The following SLC25A15 variants were observed in gnomAD, a reference collection of about 807,000 sequenced individuals.
SLC25A15 encodes mitochondrial ornithine transporter 1.
Under a neutral mutation model 32.3 loss-of-function variants are expected in SLC25A15, and 24 were observed. The ratio of observed to expected loss-of-function variants is 0.74; its 90% confidence interval spans 0.54 to 1.04. The LOEUF (loss-of-function observed/expected upper bound fraction) is 1.04, where lower values mean the gene tolerates loss of function less well. Ranked by LOEUF, SLC25A15 falls within the 50% of genes least tolerant of loss-of-function variation. The pLI is 0.00. For synonymous variants in SLC25A15, 132 were observed against 142.1 expected (o/e 0.93, Z 0.51); for missense variants, 317 against 374.5 (o/e 0.85, Z 1.27).
At position 40,809,532 on chromosome 13, in the gene SLC25A15, T is replaced by C; in HGVS notation, c.782-11T>C. Reference sequence around the variant, plus strand: ...ATTGTTGCAGTCTTTGACCGCCCTTTTATTTGCTAGGAATAACGGCCTTAT... The same window carrying C: ...ATTGTTGCAGTCTTTGACCGCCCTTCTATTTGCTAGGAATAACGGCCTTAT... On this transcript the variant is annotated splice_polypyrimidine_tract_variant and intron_variant, in intron 6 of 6. Transcript: ENST00000338625. The C allele has an allele frequency of 6.2e-7, 1 of 1,612,024 alleles. No individual in the cohort carries two copies. Among genetic ancestry groups the C allele is most frequent in the Non-Finnish European group, 8.5e-7 (1 of 1,179,838 alleles).
At chr13:40,790,314 C>G (rs891279405) in intron 1 of SLC25A15, among the ~76,000 whole-genome samples, 1 of 152,162 alleles carries the variant, frequency 6.6e-6, no homozygotes, top group Non-Finnish European at 1.5e-5. Flanking sequence ...AGTGGGTGGT[C>G]GGCACTGTTG....
At position 40,805,102 on chromosome 13, in the gene SLC25A15, G is replaced by A; in HGVS notation, c.315-16G>A. The A allele has an allele frequency of 1.2e-6, 2 of 1,613,918 alleles. No individual in the cohort carries two copies. Among genetic ancestry groups the A allele is most frequent in the Non-Finnish European group, 1.7e-6 (2 of 1,179,898 alleles). ...TGAAGAAACTGAGGGGTAACTGTCT[G>A]CTTGTGTGCTTTCAGTGATCTGCAG... On this transcript the variant is annotated splice_polypyrimidine_tract_variant and intron_variant, in intron 3 of 6. Transcript: ENST00000338625.
intron 1 of SLC25A15, among the ~76,000 whole-genome samples, chr13:40,789,959 C>T (rs527764004): frequency 1.3e-5 from 2 of 152,318 alleles, no homozygotes; most frequent in East Asian, 1.9e-4. Context: ...AGCATGGAGC[C>T]GCTTGTGAAT....
intron 1 of SLC25A15, among the ~76,000 whole-genome samples, chr13:40,790,687 A>G (rs1334507243): frequency 6.6e-6 from 1 of 152,160 alleles, no homozygotes; most frequent in African/African-American, 2.4e-5. Context: ...TCCTGGGTTC[A>G]AGCTATTCTC....
In SLC25A15 at chr13:40,807,665, G is replaced by A. The variant is rs117385445; in HGVS notation, c.622+202G>A. Reference sequence around the variant, plus strand: ...CCCTCCAGGCCTGATAATTTCCTTAGGACAGGGCCTGAAGCAGTACATCCC... The same window carrying A: ...CCCTCCAGGCCTGATAATTTCCTTAAGACAGGGCCTGAAGCAGTACATCCC... On this transcript the variant is annotated intron_variant, in intron 5 of 6. Coordinates refer to ENST00000338625, the MANE Select transcript of SLC25A15 (RefSeq NM_014252.4). 3.9e-5 allele frequency among the ~76,000 whole-genome samples: 6 copies of A among 152,208 alleles called. No individual in the cohort carries two copies. The East Asian group carries it at 1.2e-3, about 29-fold the overall frequency.
intron 3 of SLC25A15, among the ~76,000 whole-genome samples, chr13:40,804,872 G>A (rs1882098872): frequency 6.6e-6 from 1 of 151,906 alleles, no homozygotes; most frequent in Admixed American, 6.6e-5. Flanking sequence ...TTTTAGACAT[G>A]GAGGTCTCTC....
At chr13:40,789,751 G>A (rs1881415507) in intron 1 of SLC25A15, 88 bp downstream of exon 1, 1 of 152,250 alleles carries the variant, frequency 6.6e-6, no homozygotes, top group African/African-American at 2.4e-5. Context: ...GGGCCTCGGT[G>A]TGCGGGCGGC....
At position 40,807,352 on chromosome 13, in the gene SLC25A15, C is replaced by G; in HGVS notation, c.511C>G (p.His171Asp). 6.2e-7 allele frequency: 1 copy of G among 1,614,094 alleles called. No individual in the cohort carries two copies. The highest frequency in any genetic ancestry group is 8.5e-7 in the Non-Finnish European group (1 of 1,179,978). ...GAAAGATGGCCCCTTGGGGTTCTAC[C>G]ATGGACTCTCAAGCACTTTACTTCG... ...LRKDGPLGFY[H>D]GLSSTLLREV... The change falls in exon 5 of 7, where the codon CAT becomes GAT. Residue 171 changes from histidine (H) to aspartate (D), a missense_variant. Coordinates refer to ENST00000338625, the MANE Select transcript of SLC25A15 (RefSeq NM_014252.4).
chr13:40,807,302 G>C lies in SLC25A15; in HGVS notation c.461G>C (p.Trp154Ser). Residue 154 changes from tryptophan (W) to serine (S), a missense_variant, in exon 5 of 7, where the codon TGG (tryptophan) becomes TCG (serine). Transcript: ENST00000338625. ...GKIAKSQNTV[W>S]SVIKSILRKD... ...TCTGTGTCTCCTCCCAGTACAGTGTGGTCTGTCATCAAAAGTATTCTTAGG... is the reference window on the plus strand; with the variant it reads ...TCTGTGTCTCCTCCCAGTACAGTGTCGTCTGTCATCAAAAGTATTCTTAGG... 6.2e-7 allele frequency: 1 copy of C among 1,613,940 alleles called. No individual in the cohort carries two copies. The highest frequency in any genetic ancestry group is 8.5e-7 in the Non-Finnish European group (1 of 1,179,922).
intron 3 of SLC25A15, among the ~76,000 whole-genome samples, chr13:40,801,069 CA>C (rs950018556): frequency 1.3e-5 from 2 of 151,802 alleles, no homozygotes; most frequent in African/African-American, 4.8e-5. Flanking sequence ...CCCGTCACTA[CA>C]AAAAATACAA....
At position 40,811,211 on chromosome 13, in the gene SLC25A15, C is replaced by T. The variant is rs1882434838; in HGVS notation, c.*1544C>T. 6.6e-6 allele frequency among the ~76,000 whole-genome samples: 1 copy of T among 152,186 alleles called. No individual in the cohort carries two copies. ...GGAACATAAGAAAAGCAATTGTAGGCCAGGCGCAGTGGCTCACGCCTATAA... is the reference window on the plus strand; with the variant it reads ...GGAACATAAGAAAAGCAATTGTAGGTCAGGCGCAGTGGCTCACGCCTATAA... On this transcript the variant is annotated 3_prime_UTR_variant, in exon 7 of 7. Coordinates refer to ENST00000338625, the MANE Select transcript of SLC25A15 (RefSeq NM_014252.4).
rs1369772905 is a variant in SLC25A15, at chr13:40,809,578, A to G, written c.817A>G (p.Met273Val). Residue 273 changes from methionine (M) to valine (V), a missense_variant, in exon 7 of 7, where the codon ATG becomes GTG. Physicochemically the swap from Met to Val is conservative, Grantham distance 21. Coordinates refer to ENST00000338625, the MANE Select transcript of SLC25A15 (RefSeq NM_014252.4). ...TALYSGLKPT[M>V]IRAFPANGAL... is the part of the protein sequence containing the mutation. Reference sequence around the variant, plus strand: ...CTTATATTCTGGACTGAAACCTACTATGATTCGAGCATTCCCTGCCAATGG... The same window carrying G: ...CTTATATTCTGGACTGAAACCTACTGTGATTCGAGCATTCCCTGCCAATGG... 4 of 1,611,932 alleles carry G rather than the reference A, an allele frequency of 2.5e-6. No homozygotes were observed. Among genetic ancestry groups the G allele is most frequent in the Middle Eastern group, 2.2e-4 (1 of 4,532 alleles).
intron 1 of SLC25A15, among the ~76,000 whole-genome samples, chr13:40,792,115 G>T (rs531100289): frequency 1.6e-4 from 25 of 152,326 alleles, no homozygotes; most frequent in Middle Eastern, 3.4e-3. Flanking sequence ...TTAAGCCCAT[G>T]CCTCAACAGT....
At position 40,793,275 on chromosome 13, in the gene SLC25A15, G is replaced by A; in HGVS notation, c.49G>A (p.Ala17Thr). 1.2e-6 allele frequency: 2 copies of A among 1,613,676 alleles called. No homozygotes were observed. The highest frequency in any genetic ancestry group is 1.7e-6 in the Non-Finnish European group (2 of 1,179,786). ...GGCTGCCATTGACCTCACAGCGGGGGCTGCAGGTACAGTCATGTGCCTCAT... is the reference window on the plus strand; with the variant it reads ...GGCTGCCATTGACCTCACAGCGGGGACTGCAGGTACAGTCATGTGCCTCAT... ...IQAAIDLTAG[A>T]AGGTACVLTG... Residue 17 changes from alanine to threonine, a missense_variant, in exon 2 of 7, where the codon GCT (alanine) becomes ACT (threonine). Physicochemically the swap from Ala to Thr is moderately conservative, Grantham distance 58 (BLOSUM62 0). Coordinates refer to ENST00000338625, the MANE Select transcript of SLC25A15 (RefSeq NM_014252.4).
chr13:40,808,808 A>C (rs570071504), intron 6 of SLC25A15, among the ~76,000 whole-genome samples: 3 of 151,592 alleles, frequency 2.0e-5, no homozygotes, highest in South Asian at 2.1e-4. Flanking sequence ...GGTGGCAGGC[A>C]CCTGTAGTCC....
At chr13:40,800,051 G>A (rs913387910) in intron 3 of SLC25A15, among the ~76,000 whole-genome samples, 2 of 152,300 alleles carry the variant, frequency 1.3e-5, no homozygotes, top group Middle Eastern at 6.8e-3. Flanking sequence ...TGCTTTGAAT[G>A]TTGATTTATT....
Position 40,793,293 on chromosome 13 carries a change from T to C in SLC25A15, c.55+12T>C, listed in dbSNP as rs575712830. The stretch of plus-strand genomic sequence containing the variant: ...AGCGGGGGCTGCAGGTACAGTCATG[T>C]GCCTCATCACCATGTTTCTGTCGTT... On this transcript the variant is annotated intron_variant, in intron 2 of 6. Transcript: ENST00000338625. 1.5e-4 allele frequency: 237 copies of C among 1,611,296 alleles called. 2 individuals are homozygous for C. The South Asian group carries it at 2.5e-3, about 17-fold the overall frequency.
chr13:40,795,355 A>C (rs1167127390), intron 2 of SLC25A15, among the ~76,000 whole-genome samples: 1 of 152,206 alleles, frequency 6.6e-6, no homozygotes, highest in Admixed American at 6.5e-5. Flanking sequence ...TTAAAAGTTT[A>C]CCTTTTCCTA....
Position 40,809,651 on chromosome 13 carries a change from A to G in SLC25A15, c.890A>G (p.Gln297Arg). 6.2e-7 allele frequency: 1 copy of G among 1,613,062 alleles called. No homozygotes were observed. The highest frequency in any genetic ancestry group is 2.2e-5 in the East Asian group (1 of 44,880). Residue 297 changes from glutamine to arginine, a missense_variant, in exon 7 of 7, where the codon CAG becomes CGG. Coordinates refer to ENST00000338625, the MANE Select transcript of SLC25A15 (RefSeq NM_014252.4). ...TATAGCAGGAAGTTGATGATGAACCAGTTGGAAGCATACTGAAGTGTCTTG... is the reference window on the plus strand; with the variant it reads ...TATAGCAGGAAGTTGATGATGAACCGGTTGGAAGCATACTGAAGTGTCTTG... ...YEYSRKLMMN[Q>R]LEAY
Sources: gnomAD v4.1 joint callset for allele counts (sites outside exome capture counted in the v4.1 genomes callset) on GRCh38, gnomAD v4.1.1 for gene constraint, MANE v1.5 for transcripts, NCBI Gene and HGNC (gene_info 2026-07-23, HGNC 2026-07-21) for gene names.